Variants in NCAM2 observed in about 807,000 individuals in gnomAD.
NCAM2 encodes the protein N-CAM-2.
A neutral mutation model predicts 98.1 loss-of-function variants in NCAM2; 30 were observed. The observed-to-expected ratio is 0.31, with a 90% CI of 0.23 to 0.41. The LOEUF (loss-of-function observed/expected upper bound fraction) is 0.41, where lower values mean the gene tolerates loss of function less well. Among genes scored for constraint, NCAM2 ranks in the 10% least tolerant of loss-of-function variants. The pLI, the probability that NCAM2 is intolerant of heterozygous loss-of-function variation, is 1.00. For missense variants in NCAM2, 867 were observed against 1,005.8 expected (o/e 0.86, Z 1.87); for synonymous variants, 368 against 342.4 (o/e 1.07, Z -0.83).
At chr21:21,108,292 C>A (rs933026021) in intron 1 of NCAM2, among the ~76,000 whole-genome samples, 5 of 151,972 alleles carry the variant, frequency 3.3e-5, no homozygotes, top group African/African-American at 1.2e-4. Flanking sequence ...CCCAAGAATT[C>A]TGCAGAGTGA....
rs1314495270 is a variant in NCAM2 at position 21,083,477 on chromosome 21, G to A, written c.55+84859G>A. 3.3e-5 allele frequency among the ~76,000 whole-genome samples: 5 copies of A among 150,974 alleles called. No homozygotes were observed. In the East Asian group the frequency reaches 9.7e-4, roughly 29 times the overall value. Reference sequence around the variant, plus strand: ...CTCTGGTTGCCCAGGCTGGAGTGCAGTGGTGTGATCTCAGCTCACTGCAAC... The same window carrying A: ...CTCTGGTTGCCCAGGCTGGAGTGCAATGGTGTGATCTCAGCTCACTGCAAC... On this transcript the variant is annotated intron_variant, in intron 1 of 17. Transcript: ENST00000400546.
chr21:21,097,587 A>G (rs986665445), intron 1 of NCAM2, among the ~76,000 whole-genome samples: 11 of 151,582 alleles, frequency 7.3e-5, no homozygotes, highest in East Asian at 3.9e-4. Context: ...AAATGGTCCT[A>G]TTTACACTGC....
At chr21:21,258,820 A>G (rs2071774721) in intron 1 of NCAM2, among the ~76,000 whole-genome samples, 1 of 152,076 alleles carries the variant, frequency 6.6e-6, no homozygotes, top group African/African-American at 2.4e-5. Flanking sequence ...AGCACAGGCC[A>G]AAGTCAGAGA....
intron 12 of NCAM2, among the ~76,000 whole-genome samples, chr21:21,434,535 T>A (rs2077426427): frequency 6.6e-6 from 1 of 152,196 alleles, no homozygotes; most frequent in Admixed American, 6.5e-5. Flanking sequence ...CAAACCACTG[T>A]ATGATCTCAA....
intron 5 of NCAM2, among the ~76,000 whole-genome samples, chr21:21,315,159 C>T (rs2074182361): frequency 6.6e-6 from 1 of 152,126 alleles, no homozygotes; most frequent in African/African-American, 2.4e-5. Flanking sequence ...ACGCCATTTT[C>T]ATTACCTTTC....
At chr21:21,241,096 T>G (rs2071048261) in intron 1 of NCAM2, among the ~76,000 whole-genome samples, 2 of 152,156 alleles carry the variant, frequency 1.3e-5, no homozygotes, top group Admixed American at 1.3e-4. Context: ...GACTATAATA[T>G]TCTCCATTTG....
At chr21:21,039,748 AT>A (rs2064867231) in intron 1 of NCAM2, among the ~76,000 whole-genome samples, 1 of 152,204 alleles carries the variant, frequency 6.6e-6, no homozygotes, top group Admixed American at 6.5e-5. Flanking sequence ...CCGTAGACAT[AT>A]GCAAATCACT....
intron 15 of NCAM2, among the ~76,000 whole-genome samples, chr21:21,482,853 A>G (rs556011708): frequency 6.6e-6 from 1 of 151,990 alleles, no homozygotes; most frequent in Non-Finnish European, 1.5e-5. Flanking sequence ...TCCATAATCA[A>G]TCGTGTTCCT....
At chr21:21,179,537 A>G (rs995698590) in intron 1 of NCAM2, among the ~76,000 whole-genome samples, 2 of 152,228 alleles carry the variant, frequency 1.3e-5, no homozygotes, top group Admixed American at 1.3e-4. Flanking sequence ...GGTGTTAACT[A>G]TAATTAATCC....
At chr21:21,180,240 T>TA (rs1337486960) in intron 1 of NCAM2, among the ~76,000 whole-genome samples, 1 of 152,134 alleles carries the variant, frequency 6.6e-6, no homozygotes, top group Non-Finnish European at 1.5e-5. Context: ...AACAATTAAA[T>TA]AAAAAAATTA....
chr21:21,339,575 C>T (rs1376310118), intron 8 of NCAM2, among the ~76,000 whole-genome samples: 1 of 151,896 alleles, frequency 6.6e-6, no homozygotes, highest in East Asian at 1.9e-4. Flanking sequence ...GAGAAACCTC[C>T]TTTAAACTTT....
intron 8 of NCAM2, among the ~76,000 whole-genome samples, chr21:21,356,464 T>C (rs1017772294): frequency 1.3e-5 from 2 of 152,118 alleles, no homozygotes; most frequent in African/African-American, 4.8e-5. Flanking sequence ...TATTTTTATT[T>C]ATAAAATGTG....
intron 8 of NCAM2, among the ~76,000 whole-genome samples, chr21:21,349,320 T>C (rs1268666255): frequency 6.6e-6 from 1 of 152,136 alleles, no homozygotes; most frequent in Non-Finnish European, 1.5e-5. Context: ...AACAGATATA[T>C]GAAAAGGTGC....
intron 16 of NCAM2, among the ~76,000 whole-genome samples, chr21:21,518,062 C>T (rs1988810561): frequency 6.6e-6 from 1 of 152,058 alleles, no homozygotes; most frequent in Admixed American, 6.6e-5. Flanking sequence ...TGTTGTGTGA[C>T]ATAAGTAAAG....
chr21:21,301,654 C>T (rs916248489), intron 5 of NCAM2, among the ~76,000 whole-genome samples: 6 of 143,380 alleles, frequency 4.2e-5, no homozygotes, highest in Non-Finnish European at 6.1e-5. Flanking sequence ...TTTGTTCTTG[C>T]GATAGTTTAC....
chr21:21,220,627 C>T (rs567256963), intron 1 of NCAM2, among the ~76,000 whole-genome samples: 39 of 152,214 alleles, frequency 2.6e-4, no homozygotes, highest in African/African-American at 9.4e-4. Flanking sequence ...TATTTCATCC[C>T]TTTCATGTAT....
intron 12 of NCAM2, among the ~76,000 whole-genome samples, chr21:21,452,558 A>C (rs1478898224): frequency 1.9e-5 from 2 of 105,542 alleles, no homozygotes; most frequent in African/African-American, 6.7e-5. Flanking sequence ...AATATATACT[A>C]TATATAGTAT....
intron 1 of NCAM2, among the ~76,000 whole-genome samples, chr21:21,202,446 TG>T (rs2069269634): frequency 6.7e-6 from 1 of 148,334 alleles, no homozygotes; most frequent in African/African-American, 2.5e-5. Context: ...GGCGGAGTTT[TG>T]CTTTTGTTGC....
chr21:21,089,769 A>C (rs1488010826), intron 1 of NCAM2, among the ~76,000 whole-genome samples: 1 of 152,204 alleles, frequency 6.6e-6, no homozygotes, highest in Non-Finnish European at 1.5e-5. Context: ...TGTTTCTGAA[A>C]ATCAGCTACC....
Sources: allele counts gnomAD v4.1 joint callset (sites outside exome capture counted in the v4.1 genomes callset), GRCh38; gene constraint gnomAD v4.1.1; transcripts MANE v1.5; gene names NCBI Gene and HGNC (gene_info 2026-07-23, HGNC 2026-07-21).